OPRM1: variants seen among roughly 807,000 people sequenced by gnomAD.
OPRM1 encodes the protein mu-type opioid receptor.
OPRM1 carries 27 observed loss-of-function variants against 31.8 expected under a neutral mutation model. That is an observed-to-expected ratio of 0.85 (90% confidence interval 0.63 to 1.17). OPRM1 has a LOEUF of 1.17. Among genes scored for constraint, OPRM1 ranks in the 50% most tolerant of loss-of-function variants. OPRM1 has a pLI of 0.00. For missense variants in OPRM1, 536 were observed against 511.1 expected (o/e 1.05, Z -0.47); for synonymous variants, 196 against 189.9 (o/e 1.03, Z -0.26).
rs941738241 is a variant in OPRM1, at chr6:154,130,247, C to T, written c.*11526C>T. Among the ~76,000 whole-genome samples the T allele has an allele frequency of 6.0e-5, 9 of 149,878 alleles. No homozygotes were observed. Among genetic ancestry groups the T allele is most frequent in the Non-Finnish European group, 1.2e-4 (8 of 67,806 alleles). On this transcript the variant is annotated 3_prime_UTR_variant, in exon 4 of 4. Transcript: ENST00000330432. ...GCAGTGGCTCAATCTTGGCTCACTG[C>T]AACCTCTGCCTCCCGGGTTCACACC...
At chr6:154,224,381 A>T (rs888089120) in intron 3 of OPRM1, among the ~76,000 whole-genome samples, 1 of 152,164 alleles carries the variant, frequency 6.6e-6, no homozygotes, top group Non-Finnish European at 1.5e-5. Context: ...ACTTATCTAA[A>T]TTATTCACCT....
At chr6:154,095,890 A>G (rs1202769495) in intron 3 of OPRM1, among the ~76,000 whole-genome samples, 3 of 152,096 alleles carry the variant, frequency 2.0e-5, no homozygotes, top group Non-Finnish European at 4.4e-5. Context: ...CTGTTGTCCT[A>G]TTGAACTCCA....
In OPRM1 at chr6:154,039,688, C is replaced by G. The variant is rs756896690; in HGVS notation, c.144C>G (p.Asn48Lys). 9.3e-6 allele frequency: 15 copies of G among 1,613,902 alleles called. No homozygotes were observed. Among genetic ancestry groups the G allele is most frequent in the Non-Finnish European group, 1.2e-5 (14 of 1,180,040 alleles). Residue 48 changes from asparagine to lysine, a missense_variant, in exon 1 of 4, where the codon AAC becomes AAG. Asn to Lys is a moderately conservative substitution (Grantham distance 94, BLOSUM62 0). Transcript: ENST00000330432. ...DGNLSDPCGP[N>K]RTDLGGRDSL... ...ACCTGTCCGACCCATGCGGTCCGAA[C>G]CGCACCGACCTGGGCGGGAGAGACA...
chr6:154,012,370 A>G (rs1777775873), intron 1 of OPRM1, among the ~76,000 whole-genome samples: 1 of 152,156 alleles, frequency 6.6e-6, no homozygotes, highest in African/African-American at 2.4e-5. Flanking sequence ...ATGAATAGAT[A>G]TATGTATTTC....
At chr6:154,152,677 A>G (rs1583660947) in intron 3 of OPRM1, among the ~76,000 whole-genome samples, 1 of 150,394 alleles carries the variant, frequency 6.6e-6, no homozygotes, top group East Asian at 2.3e-4. Context: ...CTGATCTGAT[A>G]ATTAAAATAT....
intron 1 of OPRM1, among the ~76,000 whole-genome samples, chr6:154,077,231 G>GC: frequency 6.6e-6 from 1 of 151,848 alleles, no homozygotes; most frequent in Non-Finnish European, 1.5e-5. Flanking sequence ...TAATTTAATA[G>GC]CACACATAAA....
chr6:154,181,578 G>C (rs1179764824), intron 3 of OPRM1, among the ~76,000 whole-genome samples: 1 of 152,180 alleles, frequency 6.6e-6, no homozygotes, highest in African/African-American at 2.4e-5. Flanking sequence ...GCAATATATA[G>C]TCACTGAGAT....
chr6:154,093,418 C>T (rs199601451), intron 3 of OPRM1: 35 of 1,613,944 alleles, frequency 2.2e-5, no homozygotes, highest in African/African-American at 4.0e-5. Flanking sequence ...GCTCCCAGCC[C>T]GTCTGGTGGA....
chr6:154,238,431 A>G (rs1273093893), intron 3 of OPRM1, among the ~76,000 whole-genome samples: 7 of 151,862 alleles, frequency 4.6e-5, no homozygotes, highest in Admixed American at 4.6e-4. Flanking sequence ...AATTTTGTAT[A>G]TATATATATA....
At chr6:154,042,910 T>A (rs1780365080) in intron 1 of OPRM1, among the ~76,000 whole-genome samples, 1 of 152,174 alleles carries the variant, frequency 6.6e-6, no homozygotes, top group African/African-American at 2.4e-5. Flanking sequence ...ATGATAGTAT[T>A]TCATTGTCAA....
intron 3 of OPRM1, chr6:154,108,855 C>T: frequency 2.0e-6 from 2 of 984,890 alleles, no homozygotes; most frequent in South Asian, 9.4e-5. Context: ...ACCAAGCATA[C>T]TAGAAGTGTT....
intron 1 of OPRM1, among the ~76,000 whole-genome samples, chr6:154,025,158 C>G (rs936056891): frequency 6.6e-6 from 1 of 152,002 alleles, no homozygotes; most frequent in Non-Finnish European, 1.5e-5. Flanking sequence ...GCCTGTCTTT[C>G]TCTTTAGCTC....
In OPRM1 at chr6:154,023,503, A is replaced by G. The variant is rs184715753; in HGVS notation, c.-1+12485A>G. Among the ~76,000 whole-genome samples, 595 of 152,262 alleles carry G rather than the reference A, an allele frequency of 3.9e-3. 1 individual carries two copies. The highest frequency in any genetic ancestry group is 6.6e-3 in the Non-Finnish European group (450 of 67,990). On this transcript the variant is annotated intron_variant, in intron 1 of 5. Coordinates refer to the OPRM1 transcript ENST00000434900. ...AAGATCATATAATCTGTAAACAAGGATAATTTGACTTCTTTTTTTCCAATT... is the reference window on the plus strand; with the variant it reads ...AAGATCATATAATCTGTAAACAAGGGTAATTTGACTTCTTTTTTTCCAATT...
At chr6:154,209,883 T>A (rs1389347034) in intron 3 of OPRM1, among the ~76,000 whole-genome samples, 2 of 152,206 alleles carry the variant, frequency 1.3e-5, no homozygotes, top group Non-Finnish European at 2.9e-5. Context: ...CTTTAGAAAA[T>A]GTTAGCATTA....
intron 3 of OPRM1, among the ~76,000 whole-genome samples, chr6:154,161,953 TCTC>T (rs1799057956): frequency 6.6e-6 from 1 of 152,142 alleles, no homozygotes; most frequent in Admixed American, 6.5e-5. Flanking sequence ...TCAAAACTCT[TCTC>T]ATCTCAAACC....
chr6:154,100,096 T>TGATATATATCA (rs1562472115), intron 3 of OPRM1, among the ~76,000 whole-genome samples: 2 of 66,834 alleles, frequency 3.0e-5, no homozygotes, highest in Non-Finnish European at 5.7e-5. Flanking sequence ...TATTATCATA[T>TGATATATATCA]TATGATATAT....
At chr6:154,093,630 T>G in intron 3 of OPRM1, 1 of 1,113,866 alleles carries the variant, frequency 9.0e-7, no homozygotes, top group Non-Finnish European at 1.2e-6. Flanking sequence ...TCTTCATCGC[T>G]GCCTCTATGA....
chr6:154,046,323 C>A (rs1054818347), intron 1 of OPRM1, among the ~76,000 whole-genome samples: 1 of 152,064 alleles, frequency 6.6e-6, no homozygotes, highest in Admixed American at 6.6e-5. Context: ...GAGTGGGCAC[C>A]AGTCATGTCC....
chr6:154,147,710 C>T (rs964071756), intron 3 of OPRM1, among the ~76,000 whole-genome samples: 6 of 152,172 alleles, frequency 3.9e-5, no homozygotes, highest in African/African-American at 1.4e-4. Context: ...GATCTCCTAC[C>T]ATGAGGAACC....
Sources: allele counts gnomAD v4.1 joint callset (sites outside exome capture counted in the v4.1 genomes callset), GRCh38; gene constraint gnomAD v4.1.1; transcripts MANE v1.5; gene names NCBI Gene and HGNC (gene_info 2026-07-23, HGNC 2026-07-21).